Variants in ARIH1 observed in about 807,000 individuals in gnomAD.
ARIH1 encodes the protein E3 ubiquitin-protein ligase ARIH1.
A neutral mutation model predicts 85.0 loss-of-function variants in ARIH1; 8 were observed. That is an observed-to-expected ratio of 0.09 (90% CI 0.06 to 0.17). The LOEUF (loss-of-function observed/expected upper bound fraction) is 0.17. ARIH1 is among the 10% of genes least tolerant of loss of function. The pLI, the probability that ARIH1 is intolerant of heterozygous loss-of-function variation, is 1.00. For missense variants in ARIH1, 311 were observed against 718.1 expected (o/e 0.43, Z 6.48); for synonymous variants, 238 against 253.6 (o/e 0.94, Z 0.59).
In ARIH1 at chr15:72,529,245, G is replaced by C. The variant is rs117916287; in HGVS notation, c.443+11111G>C. Among the ~76,000 whole-genome samples, 32 of 152,200 alleles carry C rather than the reference G, an allele frequency of 2.1e-4. No homozygotes were observed. The East Asian group carries it at 6.2e-3, about 29-fold the overall frequency. On this transcript the variant is annotated intron_variant, in intron 2 of 13. Coordinates refer to ENST00000379887, the MANE Select transcript of ARIH1 (RefSeq NM_005744.5). ...TATCTCATTATAGTACAGTGATTAA[G>C]AACACAGAATTCTTGCTCCCCCTAT... is the stretch of plus-strand genomic sequence containing the variant.
chr15:72,491,220 G>GTATAA (rs2063858066), intron 1 of ARIH1, among the ~76,000 whole-genome samples: 1 of 152,038 alleles, frequency 6.6e-6, no homozygotes, highest in African/African-American at 2.4e-5. Context: ...ATGCTTATTC[G>GTATAA]TATTATAGCA....
intron 2 of ARIH1, among the ~76,000 whole-genome samples, chr15:72,522,870 A>T (rs1418755951): frequency 1.3e-5 from 2 of 152,242 alleles, no homozygotes; most frequent in African/African-American, 4.8e-5. Flanking sequence ...GAAGTTATAC[A>T]GATGGCAAAT....
intron 1 of ARIH1, among the ~76,000 whole-genome samples, chr15:72,493,973 C>T (rs1256844041): frequency 6.6e-6 from 1 of 152,068 alleles, no homozygotes; most frequent in Non-Finnish European, 1.5e-5. Context: ...TGCCTTTATA[C>T]CTCAACTACG....
At chr15:72,518,621 C>T (rs1022464679) in intron 2 of ARIH1, among the ~76,000 whole-genome samples, 1 of 152,188 alleles carries the variant, frequency 6.6e-6, no homozygotes, top group East Asian at 1.9e-4. Context: ...AGCCCCGTCT[C>T]TACTAAAAAT....
chr15:72,487,461 A>G (rs1219960783), intron 1 of ARIH1, among the ~76,000 whole-genome samples: 1 of 152,208 alleles, frequency 6.6e-6, no homozygotes, highest in Non-Finnish European at 1.5e-5. Flanking sequence ...TTTATAAGTG[A>G]AAGCCTCTAA....
chr15:72,531,914 A>G (rs1445727287), intron 2 of ARIH1, among the ~76,000 whole-genome samples: 2 of 152,194 alleles, frequency 1.3e-5, no homozygotes, highest in South Asian at 2.1e-4. Context: ...TCAAATACTC[A>G]TAATTGTTAT....
chr15:72,556,295 A>C (rs2064174320), intron 5 of ARIH1, among the ~76,000 whole-genome samples: 1 of 152,246 alleles, frequency 6.6e-6, no homozygotes, highest in South Asian at 2.1e-4. Flanking sequence ...ATCTGTTAAA[A>C]GACAAAGAAG....
At chr15:72,509,776 G>A (rs961623363) in intron 1 of ARIH1, among the ~76,000 whole-genome samples, 1 of 151,946 alleles carries the variant, frequency 6.6e-6, no homozygotes, top group Non-Finnish European at 1.5e-5. Context: ...AAAATTTTTA[G>A]TAGAGGTCTT....
rs571123984 is a variant in ARIH1 at position 72,591,512 on chromosome 15, A to C, written c.*8220A>C. Reference sequence around the variant, plus strand: ...GGATTCCTGAGGACTGAGCAAACACACACAGAGCAGGATTTTGTCCTAAGT... The same window carrying C: ...GGATTCCTGAGGACTGAGCAAACACCCACAGAGCAGGATTTTGTCCTAAGT... On this transcript the variant is annotated 3_prime_UTR_variant, in exon 14 of 14. Transcript: ENST00000379887. 3.9e-5 allele frequency: 6 copies of C among 152,334 alleles called. No homozygotes were observed. Among genetic ancestry groups the C allele is most frequent in the African/African-American group, 1.4e-4 (6 of 41,572 alleles). The allele number at this position is 152,334 out of a possible 1,614,324, so 9.4% of individuals were successfully genotyped here. A position where few individuals can be genotyped will look rare whatever the true frequency, so the allele number is the denominator to read the frequency against.
intron 1 of ARIH1, among the ~76,000 whole-genome samples, chr15:72,495,534 G>T (rs1359517694): frequency 6.6e-6 from 1 of 152,020 alleles, no homozygotes; most frequent in African/African-American, 2.4e-5. Context: ...ATATACAAAT[G>T]GTTAGATCTC....
intron 1 of ARIH1, among the ~76,000 whole-genome samples, chr15:72,508,247 G>A (rs1042351995): frequency 3.9e-5 from 6 of 152,200 alleles, no homozygotes; most frequent in Admixed American, 6.5e-5. Flanking sequence ...ACTGCTGCTA[G>A]TATTAGTACT....
At chr15:72,580,613 T>G in intron 11 of ARIH1, 118 bp from the exon 12 acceptor site, 2 of 971,072 alleles carry the variant, frequency 2.1e-6, no homozygotes, top group Non-Finnish European at 3.0e-6. Flanking sequence ...ATCTTTTTGA[T>G]AAAAACCATT....
In ARIH1 at chr15:72,567,214, A is replaced by G. The variant is rs1204304067; in HGVS notation, c.1026+37A>G. 6 of 1,543,080 alleles carry G rather than the reference A, an allele frequency of 3.9e-6. No homozygotes were observed. The Admixed American group carries it at 7.0e-5, about 18-fold the overall frequency. The stretch of plus-strand genomic sequence containing the variant: ...CCTTCAGTAACTCTTGGTAATAAAA[A>G]TGATAAGGATTGGTACTTTGGCATT... On this transcript the variant is annotated intron_variant, in intron 9 of 13. Transcript: ENST00000379887.
At chr15:72,496,022 C>T (rs926751210) in intron 1 of ARIH1, among the ~76,000 whole-genome samples, 16 of 152,032 alleles carry the variant, frequency 1.1e-4, no homozygotes, top group African/African-American at 7.3e-5. Context: ...GCAATCCTTC[C>T]GCCTCAGCCT....
At chr15:72,508,994 CTTT>C (rs34620007) in intron 1 of ARIH1, among the ~76,000 whole-genome samples, 2 of 137,076 alleles carry the variant, frequency 1.5e-5, no homozygotes, top group Admixed American at 7.3e-5. Flanking sequence ...GTGCCTGGCC[CTTT>C]TTTTTTTTTT....
rs1002246306 is a variant in ARIH1 at position 72,593,835 on chromosome 15, A to G, written c.*10543A>G. On this transcript the variant is annotated 3_prime_UTR_variant, in exon 14 of 14. Coordinates refer to ENST00000379887, the MANE Select transcript of ARIH1 (RefSeq NM_005744.5). ...TACAATTAGCTCATCTTGTTTTTCA[A>G]ACGTAGATGTGCTGGGTTAGCTGTG... 9 of 151,894 alleles carry G rather than the reference A, an allele frequency of 5.9e-5. No individual in the cohort carries two copies. Among genetic ancestry groups the G allele is most frequent in the Non-Finnish European group, 8.8e-5 (6 of 67,964 alleles). 9.4% of individuals were successfully genotyped at this position (151,894 alleles called of 1,614,324 possible). A position where few individuals can be genotyped will look rare whatever the true frequency, so the allele number is the denominator to read the frequency against.
intron 1 of ARIH1, among the ~76,000 whole-genome samples, chr15:72,479,386 T>TA (rs144868152): frequency 0.037 from 5,558 of 152,128 alleles, 140 homozygotes; most frequent in East Asian, 0.12. Flanking sequence ...ATCTTGCTTT[T>TA]ATAAGATCTG....
chr15:72,562,794 A>G (rs1405334440), intron 6 of ARIH1, among the ~76,000 whole-genome samples: 1 of 152,090 alleles, frequency 6.6e-6, no homozygotes, highest in African/African-American at 2.4e-5. Flanking sequence ...TAATGGTCAC[A>G]TACATGATAT....
rs1038014187 is a variant in ARIH1, at chr15:72,592,626, T to C, written c.*9334T>C. On this transcript the variant is annotated 3_prime_UTR_variant, in exon 14 of 14. Transcript: ENST00000379887. ...CTTCTTGATTTTTATCACTAAAGAT[T>C]TGTTGTACCTGCTTTTGGATTACAT... is the stretch of plus-strand genomic sequence containing the variant. 6.6e-6 allele frequency: 1 copy of C among 152,190 alleles called. No homozygotes were observed. Among genetic ancestry groups the C allele is most frequent in the Non-Finnish European group, 1.5e-5 (1 of 68,020 alleles). The allele number at this position is 152,190 out of a possible 1,614,324, so 9.4% of individuals were successfully genotyped here. A position where few individuals can be genotyped will look rare whatever the true frequency, so the allele number is the denominator to read the frequency against.
Sources: allele counts gnomAD v4.1 joint callset (sites outside exome capture counted in the v4.1 genomes callset), GRCh38; gene constraint gnomAD v4.1.1; transcripts MANE v1.5; gene names NCBI Gene and HGNC (gene_info 2026-07-23, HGNC 2026-07-21).